The following SAMHD1 variants were observed in gnomAD, a reference collection of about 807,000 sequenced individuals.
SAMHD1 encodes the protein SAM and HD domain containing deoxynucleoside triphosphate triphosphohydrolase 1, also known as deoxynucleoside triphosphate triphosphohydrolase SAMHD1.
In SAMHD1, 54 loss-of-function variants were observed where a neutral mutation model predicts 79.6. That is an observed-to-expected ratio of 0.68 (90% CI 0.55 to 0.85). The LOEUF (loss-of-function observed/expected upper bound fraction) is 0.85, where lower values mean the gene tolerates loss of function less well. SAMHD1 is among the 40% of genes least tolerant of loss of function. The pLI is 0.00. For missense variants in SAMHD1, 663 were observed against 782.7 expected (o/e 0.85, Z 1.82); for synonymous variants, 260 against 264.1 (o/e 0.98, Z 0.15).
intron 9 of SAMHD1, 77 bp from the exon 10 acceptor site, chr20:36,912,629 GAAGGAA>G: frequency 9.9e-7 from 1 of 1,009,712 alleles, no homozygotes; most frequent in Non-Finnish European, 1.5e-6. Context: ...ATAGGACAAG[GAAGGAA>G]AAGGGATAGT....
intron 6 of SAMHD1, among the ~76,000 whole-genome samples, chr20:36,925,530 G>A (rs773099265): frequency 5.3e-5 from 8 of 152,176 alleles, no homozygotes; most frequent in Non-Finnish European, 1.5e-5. Flanking sequence ...GAAAACGTCT[G>A]TTTTTCAAAA....
At chr20:36,894,135 G>C in intron 15 of SAMHD1, 1 of 394,534 alleles carries the variant, frequency 2.5e-6, no homozygotes, top group Non-Finnish European at 4.5e-6. Flanking sequence ...TGCTCATTTA[G>C]CTCTGCCAAA....
intron 2 of SAMHD1, 75 bp downstream of exon 2, chr20:36,946,663 A>G (rs2063688440): frequency 2.8e-6 from 3 of 1,086,482 alleles, no homozygotes; most frequent in Non-Finnish European, 4.2e-6. Context: ...TTTATATCAG[A>G]GATTTTGGGC....
At chr20:36,913,772 T>TA (rs2063459323) in intron 9 of SAMHD1, among the ~76,000 whole-genome samples, 1 of 150,518 alleles carries the variant, frequency 6.6e-6, no homozygotes, top group African/African-American at 2.4e-5. Context: ...TTTTTTTTTT[T>TA]AGACAGTCTC....
At chr20:36,905,963 G>C (rs1468558521) in intron 11 of SAMHD1, among the ~76,000 whole-genome samples, 1 of 150,456 alleles carries the variant, frequency 6.6e-6, no homozygotes, top group African/African-American at 2.5e-5. Context: ...ACAAGAGCGA[G>C]AGACTGTCTC....
chr20:36,928,326 T>G (rs544468114), intron 5 of SAMHD1, among the ~76,000 whole-genome samples: 1 of 151,830 alleles, frequency 6.6e-6, no homozygotes, highest in African/African-American at 2.4e-5. Context: ...GAAGCGGAGC[T>G]TGCAGTGAGC....
chr20:36,919,388 A>C lies in SAMHD1; in HGVS notation c.828T>G (p.Leu276=). Residue 276 remains leucine (L), a synonymous_variant, in exon 7 of 16, where the codon CTT becomes CTG. Transcript: ENST00000646673. ...CFIKEQIVGP[L]ESPVEDSLWP... ...CCAATGAATCTTCGACAGGTGATTC[A>C]AGTGGTCCTACAATTTGTTCCTTTA... 2 of 1,613,636 alleles carry C rather than the reference A, an allele frequency of 1.2e-6. No homozygotes were observed. Among genetic ancestry groups the C allele is most frequent in the Non-Finnish European group, 1.7e-6 (2 of 1,179,730 alleles).
At chr20:36,898,638 G>A in intron 13 of SAMHD1, 94 bp from the exon 14 acceptor site, 3 of 958,706 alleles carry the variant, frequency 3.1e-6, no homozygotes, top group Non-Finnish European at 5.0e-6. Context: ...CAGAGGCCGG[G>A]CGCAGTAGCT....
intron 6 of SAMHD1, among the ~76,000 whole-genome samples, chr20:36,925,202 C>T (rs1427536114): frequency 6.7e-6 from 1 of 149,142 alleles, no homozygotes; most frequent in Non-Finnish European, 1.5e-5. Context: ...TATACTTACA[C>T]AAAAATAAAT....
intron 3 of SAMHD1, among the ~76,000 whole-genome samples, chr20:36,939,763 A>G (rs1361102051): frequency 6.6e-6 from 1 of 152,220 alleles, no homozygotes; most frequent in East Asian, 1.9e-4. Flanking sequence ...AAAAAAGAAG[A>G]TATCCTACAT....
intron 15 of SAMHD1, chr20:36,894,124 A>T (rs1441341254): frequency 1.0e-5 from 4 of 395,530 alleles, no homozygotes; most frequent in Non-Finnish European, 1.8e-5. Flanking sequence ...ACTGTCCTCT[A>T]TGCTCATTTA....
At chr20:36,917,523 T>C (rs1935920) in intron 7 of SAMHD1, among the ~76,000 whole-genome samples, 126,294 of 152,040 alleles carry the variant, frequency 0.83, 52,858 homozygotes, top group East Asian at 0.99. Flanking sequence ...TGGTAGCAAG[T>C]GCCTGTACTC....
intron 3 of SAMHD1, chr20:36,940,689 A>G: frequency 3.0e-6 from 1 of 332,710 alleles, no homozygotes; most frequent in Non-Finnish European, 5.7e-6. Flanking sequence ...ACAGAGCAAG[A>G]CCACATTTCA....
intron 7 of SAMHD1, 35 bp downstream of exon 7, chr20:36,919,329 C>A (rs940782124): frequency 6.2e-7 from 1 of 1,603,300 alleles, no homozygotes; most frequent in Non-Finnish European, 8.5e-7. Context: ...ATGAAAAGCA[C>A]CAGTCAGTTA....
intron 13 of SAMHD1, among the ~76,000 whole-genome samples, chr20:36,902,642 T>C (rs1419847426): frequency 6.6e-6 from 1 of 152,172 alleles, no homozygotes; most frequent in African/African-American, 2.4e-5. Context: ...TTGATTCATC[T>C]AGGTTGTTTG....
chr20:36,944,620 C>T (rs189630072), intron 2 of SAMHD1, among the ~76,000 whole-genome samples: 10 of 152,270 alleles, frequency 6.6e-5, no homozygotes, highest in African/African-American at 1.9e-4. Flanking sequence ...TAAGGCCGGT[C>T]GCAGTGGCTC....
intron 11 of SAMHD1, among the ~76,000 whole-genome samples, chr20:36,906,607 C>T (rs983492216): frequency 1.3e-5 from 2 of 151,978 alleles, no homozygotes; most frequent in Non-Finnish European, 2.9e-5. Flanking sequence ...TTGTAAATTT[C>T]TATAATAATA....
rs1248644025 is a variant in SAMHD1 at position 36,894,513 on chromosome 20, T to C, written c.1747-1447A>G. 4.6e-4 allele frequency among the ~76,000 whole-genome samples: 70 copies of C among 151,406 alleles called. 1 individual carries two copies. The highest frequency in any genetic ancestry group is 7.4e-5 in the Non-Finnish European group (5 of 67,974). On this transcript the variant is annotated intron_variant, in intron 15 of 15. Transcript: ENST00000646673. ...CAGGCGTGGTGGTTCATGCCTGTAA[T>C]CCCAACACTTTGGGAGGCCAAAGCA...
chr20:36,895,622 C>T (rs1041847110), intron 15 of SAMHD1, among the ~76,000 whole-genome samples: 8 of 152,030 alleles, frequency 5.3e-5, no homozygotes, highest in East Asian at 3.8e-4. Flanking sequence ...ATACTCACTC[C>T]GTGAGTGAAT....
Sources: gnomAD v4.1 joint callset for allele counts (sites outside exome capture counted in the v4.1 genomes callset) on GRCh38, gnomAD v4.1.1 for gene constraint, MANE v1.5 for transcripts, NCBI Gene and HGNC (gene_info 2026-07-23, HGNC 2026-07-21) for gene names.